Variants in NEK1 observed in about 807,000 individuals in gnomAD.
The protein encoded by NEK1 is NIMA related kinase 1.
Under a neutral mutation model 182.1 loss-of-function variants are expected in NEK1, and 137 were observed. That is an observed-to-expected ratio of 0.75 (90% confidence interval 0.65 to 0.87). NEK1 has a LOEUF of 0.87. Ranked by LOEUF, NEK1 falls within the 40% of genes least tolerant of loss-of-function variation. The pLI is 0.00. For synonymous variants in NEK1, 513 were observed against 492.2 expected (o/e 1.04, Z -0.56); for missense variants, 1,391 against 1,494.4 (o/e 0.93, Z 1.14).
intron 27 of NEK1, among the ~76,000 whole-genome samples, chr4:169,452,930 A>C (rs1397317484): frequency 6.6e-6 from 1 of 152,200 alleles, no homozygotes; most frequent in African/African-American, 2.4e-5. Flanking sequence ...CTCAGCCCCA[A>C]ATTTCCTTAA....
At chr4:169,439,842 T>A (rs1169920592) in intron 27 of NEK1, among the ~76,000 whole-genome samples, 1 of 145,214 alleles carries the variant, frequency 6.9e-6, no homozygotes, top group African/African-American at 2.7e-5. Context: ...GAGGTTAGGG[T>A]ATCTTTTTTT....
chr4:169,530,636 G>A (rs1757524807), intron 19 of NEK1, among the ~76,000 whole-genome samples: 3 of 149,930 alleles, frequency 2.0e-5, no homozygotes. Context: ...GTAAGTCAAG[G>A]AACATATGTA....
chr4:169,450,241 T>C (rs1285432621), intron 27 of NEK1, among the ~76,000 whole-genome samples: 2 of 152,086 alleles, frequency 1.3e-5, no homozygotes, highest in Non-Finnish European at 2.9e-5. Flanking sequence ...TGGAACCAAG[T>C]TGGAAAACAC....
At chr4:169,422,171 C>A (rs1049895972) in intron 31 of NEK1, among the ~76,000 whole-genome samples, 6 of 152,146 alleles carry the variant, frequency 3.9e-5, no homozygotes, top group Non-Finnish European at 7.3e-5. Context: ...AACAGAGCCG[C>A]TTCAGTGGAC....
At chr4:169,583,944 A>T (rs1358490865) in intron 10 of NEK1, among the ~76,000 whole-genome samples, 1 of 152,212 alleles carries the variant, frequency 6.6e-6, no homozygotes, top group Non-Finnish European at 1.5e-5. Flanking sequence ...TTAAGTCAGA[A>T]GGATATATGA....
chr4:169,491,935 CTAT>C (rs1292853456), intron 23 of NEK1, among the ~76,000 whole-genome samples: 1 of 152,136 alleles, frequency 6.6e-6, no homozygotes, highest in Non-Finnish European at 1.5e-5. Flanking sequence ...TTAAAATAGT[CTAT>C]TATTACTATA....
At chr4:169,514,210 T>C (rs1754707556) in intron 19 of NEK1, among the ~76,000 whole-genome samples, 1 of 152,000 alleles carries the variant, frequency 6.6e-6, no homozygotes, top group Non-Finnish European at 1.5e-5. Flanking sequence ...ATGGTCTTGA[T>C]CTCTTGACCT....
At chr4:169,561,068 T>C (rs1236059617) in intron 16 of NEK1, among the ~76,000 whole-genome samples, 2 of 152,096 alleles carry the variant, frequency 1.3e-5, no homozygotes, top group South Asian at 2.1e-4. Context: ...GAGCATACAG[T>C]ATGTGGTAGG....
intron 10 of NEK1, 121 bp downstream of exon 10, chr4:169,585,228 G>C: frequency 1.6e-6 from 1 of 640,662 alleles, no homozygotes; most frequent in Non-Finnish European, 2.7e-6. Context: ...TGACACTAAT[G>C]TAGTTTGAAA....
chr4:169,589,800 C>T (rs535825648), intron 6 of NEK1, among the ~76,000 whole-genome samples: 4 of 151,988 alleles, frequency 2.6e-5, no homozygotes, highest in South Asian at 2.1e-4. Context: ...TTAGATATGA[C>T]GTCAAAAGCA....
chr4:169,440,549 T>A (rs770562649), intron 27 of NEK1, among the ~76,000 whole-genome samples: 2 of 152,080 alleles, frequency 1.3e-5, no homozygotes, highest in Non-Finnish European at 2.9e-5. Context: ...AAGTAGATAA[T>A]AACACATTGA....
intron 19 of NEK1, among the ~76,000 whole-genome samples, chr4:169,530,693 G>A (rs1757537708): frequency 6.6e-6 from 1 of 151,416 alleles, no homozygotes; most frequent in African/African-American, 2.4e-5. Flanking sequence ...AATATAAAAT[G>A]GTTGCCAAGG....
intron 23 of NEK1, among the ~76,000 whole-genome samples, chr4:169,503,415 A>C (rs556364892): frequency 4.1e-4 from 63 of 152,238 alleles, no homozygotes; most frequent in Non-Finnish European, 8.1e-4. Flanking sequence ...GAATAGCCAA[A>C]GTTATCCTGA....
chr4:169,546,080 T>A (rs1371531452), intron 18 of NEK1, among the ~76,000 whole-genome samples: 2 of 152,226 alleles, frequency 1.3e-5, no homozygotes, highest in African/African-American at 4.8e-5. Context: ...GATGTTAGGG[T>A]GTCAATTGTA....
Position 169,541,274 on chromosome 4 carries a change from C to G in NEK1, c.1563-3363G>C, listed in dbSNP as rs550552090. Among the ~76,000 whole-genome samples, 13 of 152,166 alleles carry G rather than the reference C, an allele frequency of 8.5e-5. No homozygotes were observed. In the South Asian group the frequency reaches 2.5e-3, roughly 29 times the overall value. ...TCCAAATTAAATGAAGCAATACAGA[C>G]AGAAGGACTTGGAAAAAGTAAAAGC... On this transcript the variant is annotated intron_variant, in intron 18 of 35. Coordinates refer to ENST00000507142, the MANE Select transcript of NEK1 (RefSeq NM_001199397.3).
At chr4:169,562,268 A>G (rs1470289617) in intron 12 of NEK1, 72 bp from the exon 13 acceptor site, 1 of 1,038,884 alleles carries the variant, frequency 9.6e-7, no homozygotes, top group African/African-American at 1.7e-5. Flanking sequence ...AAATTTACAG[A>G]AATTTAAGAT....
Position 169,580,864 on chromosome 4 carries a change from C to T in NEK1, c.846G>A (p.Lys282=). The part of the protein sequence containing the change: ...AEEFCLKTFS[K]FGSQPIPAKR... Reference sequence around the variant, plus strand: ...TACCTGGTATAGGCTGTGATCCAAACTTCGAAAATGTTTTTAGACAAAATT... The same window carrying T: ...TACCTGGTATAGGCTGTGATCCAAATTTCGAAAATGTTTTTAGACAAAATT... The change falls in exon 11 of 36, where the codon AAG becomes AAA. Residue 282 remains lysine (K), a synonymous_variant. Coordinates refer to ENST00000507142, the MANE Select transcript of NEK1 (RefSeq NM_001199397.3). The T allele has an allele frequency of 6.5e-7, 1 of 1,533,976 alleles. No homozygotes were observed. The highest frequency in any genetic ancestry group is 8.8e-7 in the Non-Finnish European group (1 of 1,135,948).
At position 169,394,355 on chromosome 4, in the gene NEK1, G is replaced by A; in HGVS notation, c.*155C>T. On this transcript the variant is annotated 3_prime_UTR_variant, in exon 36 of 36. Coordinates refer to ENST00000507142, the MANE Select transcript of NEK1 (RefSeq NM_001199397.3). ...ATATTAGAATCTTCACTGAAAAATG[G>A]CATGTTTCTCCATCTTTTTCATGCA... 7.7e-6 allele frequency: 4 copies of A among 522,122 alleles called. No homozygotes were observed. The highest frequency in any genetic ancestry group is 4.0e-5 in the Admixed American group (1 of 24,938). 32.3% of individuals were successfully genotyped at this position (522,122 alleles called of 1,614,324 possible).
rs1754620821 is a variant in NEK1, at chr4:169,513,915, C to A, written c.1666-5063G>T. The stretch of plus-strand genomic sequence containing the variant: ...AATACTTGTACATCTAGACTAAATT[C>A]CACTTGGTTGGGGCTGGATATAATT... On this transcript the variant is annotated intron_variant, in intron 19 of 35. Coordinates refer to ENST00000507142, the MANE Select transcript of NEK1 (RefSeq NM_001199397.3). 2.0e-5 allele frequency among the ~76,000 whole-genome samples: 3 copies of A among 151,748 alleles called. No individual in the cohort carries two copies. The South Asian group carries it at 6.3e-4, about 32-fold the overall frequency.
Sources: gnomAD v4.1 joint callset for allele counts (sites outside exome capture counted in the v4.1 genomes callset) on GRCh38, gnomAD v4.1.1 for gene constraint, MANE v1.5 for transcripts, NCBI Gene and HGNC (gene_info 2026-07-23, HGNC 2026-07-21) for gene names.